Variants in MARCHF11 observed in about 807,000 individuals in gnomAD.
The protein encoded by MARCHF11 is E3 ubiquitin-protein ligase MARCHF11.
Under a neutral mutation model 37.3 loss-of-function variants are expected in MARCHF11, and 29 were observed. That is an observed-to-expected ratio of 0.78 (90% CI 0.58 to 1.06). The LOEUF (loss-of-function observed/expected upper bound fraction) is 1.06, where lower values mean the gene tolerates loss of function less well. MARCHF11 is among the 50% of genes least tolerant of loss of function. The pLI, the probability that MARCHF11 is intolerant of heterozygous loss-of-function variation, is 0.00. For missense variants in MARCHF11, 482 were observed against 533.4 expected (o/e 0.90, Z 0.95); for synonymous variants, 233 against 228.0 (o/e 1.02, Z -0.20).
intron 2 of MARCHF11, among the ~76,000 whole-genome samples, chr5:16,092,078 A>C (rs1379175449): frequency 3.3e-5 from 5 of 152,210 alleles, no homozygotes; most frequent in Non-Finnish European, 7.3e-5. Context: ...TTAAGCAGCC[A>C]GTGTCCATCG....
At chr5:16,152,349 A>G (rs907630147) in intron 2 of MARCHF11, among the ~76,000 whole-genome samples, 1 of 151,994 alleles carries the variant, frequency 6.6e-6, no homozygotes, top group African/African-American at 2.4e-5. Flanking sequence ...TAGTTACAAC[A>G]CATGTTCTAA....
chr5:16,073,894 A>T (rs1483154736), intron 3 of MARCHF11, among the ~76,000 whole-genome samples: 1 of 152,202 alleles, frequency 6.6e-6, no homozygotes, highest in Non-Finnish European at 1.5e-5. Context: ...CCTAGAACAG[A>T]TGGACTTAAT....
intron 2 of MARCHF11, among the ~76,000 whole-genome samples, chr5:16,129,700 G>A (rs1023554153): frequency 4.6e-5 from 7 of 152,166 alleles, no homozygotes; most frequent in Admixed American, 1.3e-4. Context: ...ACTGTAGGAT[G>A]GAATAAGATA....
At chr5:16,097,736 T>A (rs1736895844) in intron 2 of MARCHF11, among the ~76,000 whole-genome samples, 1 of 152,118 alleles carries the variant, frequency 6.6e-6, no homozygotes, top group African/African-American at 2.4e-5. Context: ...CCAGGACCAG[T>A]TTCACCAGAT....
At chr5:16,166,956 G>A (rs3111619) in intron 2 of MARCHF11, among the ~76,000 whole-genome samples, 1 of 142,854 alleles carries the variant, frequency 7.0e-6, no homozygotes, top group African/African-American at 2.7e-5. Context: ...TGTGAGGAAC[G>A]TACAACGATG....
intron 3 of MARCHF11, among the ~76,000 whole-genome samples, chr5:16,071,560 T>A (rs749343786): frequency 3.3e-5 from 5 of 152,226 alleles, no homozygotes; most frequent in Non-Finnish European, 4.4e-5. Context: ...TTCTTTCTAG[T>A]ATTAGGCTAT....
At chr5:16,115,010 T>A (rs543553362) in intron 2 of MARCHF11, among the ~76,000 whole-genome samples, 1 of 152,122 alleles carries the variant, frequency 6.6e-6, no homozygotes, top group Non-Finnish European at 1.5e-5. Flanking sequence ...ACATCGTGTG[T>A]CAGGCTGCTA....
At chr5:16,166,360 C>CAT (rs1412482156) in intron 2 of MARCHF11, among the ~76,000 whole-genome samples, 2 of 151,912 alleles carry the variant, frequency 1.3e-5, no homozygotes, top group Non-Finnish European at 2.9e-5. Context: ...AGCTAGAAAA[C>CAT]ATATATATGT....
At chr5:16,111,444 C>T (rs1357182433) in intron 2 of MARCHF11, among the ~76,000 whole-genome samples, 2 of 152,130 alleles carry the variant, frequency 1.3e-5, no homozygotes, top group African/African-American at 4.8e-5. Flanking sequence ...AGACTGGTAG[C>T]ATTTTCCTGC....
chr5:16,073,892 A>G (rs1180588933), intron 3 of MARCHF11, among the ~76,000 whole-genome samples: 1 of 151,912 alleles, frequency 6.6e-6, no homozygotes, highest in Non-Finnish European at 1.5e-5. Context: ...ACCCTAGAAC[A>G]GATGGACTTA....
chr5:16,072,510 CTGTGTGTGTG>C (rs34699021), intron 3 of MARCHF11, among the ~76,000 whole-genome samples: 3,382 of 146,702 alleles, frequency 0.023, 125 homozygotes, highest in African/African-American at 0.081. Context: ...CTCTCTCACT[CTGTGTGTGTG>C]TGTGTGTGTG....
At chr5:16,173,735 A>G (rs1431485043) in intron 2 of MARCHF11, among the ~76,000 whole-genome samples, 2 of 152,230 alleles carry the variant, frequency 1.3e-5, no homozygotes, top group African/African-American at 4.8e-5. Context: ...TGAGCAAGTG[A>G]AGGTCCCATC....
chr5:16,102,781 T>C (rs1007806060), intron 2 of MARCHF11, among the ~76,000 whole-genome samples: 2 of 152,162 alleles, frequency 1.3e-5, no homozygotes, highest in Admixed American at 1.3e-4. Context: ...CACTGAGCTG[T>C]TTAATGGTTG....
chr5:16,108,311 C>T (rs997758555), intron 2 of MARCHF11, among the ~76,000 whole-genome samples: 3 of 152,184 alleles, frequency 2.0e-5, no homozygotes, highest in South Asian at 2.1e-4. Flanking sequence ...CTCCCCCTCC[C>T]GTAAGGGGTT....
chr5:16,177,942 T>C, intron 1 of MARCHF11, 61 bp from the exon 2 acceptor site: 11 of 1,479,798 alleles, frequency 7.4e-6, no homozygotes, highest in South Asian at 1.4e-5. Flanking sequence ...AAAAACCTAA[T>C]GCTTCCTTTC....
intron 2 of MARCHF11, among the ~76,000 whole-genome samples, chr5:16,132,088 T>G (rs1310226754): frequency 6.6e-6 from 1 of 152,234 alleles, no homozygotes; most frequent in African/African-American, 2.4e-5. Flanking sequence ...ATCTACCAAC[T>G]GTGACTGTGG....
chr5:16,125,619 CTGTGTGTGTGTGTGTG>C (rs34769733), intron 2 of MARCHF11, among the ~76,000 whole-genome samples: 2,739 of 142,334 alleles, frequency 0.019, 80 homozygotes, highest in African/African-American at 0.06. Flanking sequence ...GGCACACTCT[CTGTGTGTGTGTGTGTG>C]TGTGTGTGTG....
At chr5:16,126,494 C>T (rs1295839608) in intron 2 of MARCHF11, among the ~76,000 whole-genome samples, 1 of 152,156 alleles carries the variant, frequency 6.6e-6, no homozygotes, top group African/African-American at 2.4e-5. Context: ...TTCTTAACTG[C>T]AAAGCCCCGA....
At chr5:16,124,946 G>T (rs530435226) in intron 2 of MARCHF11, among the ~76,000 whole-genome samples, 1 of 151,270 alleles carries the variant, frequency 6.6e-6, no homozygotes, top group Non-Finnish European at 1.5e-5. Flanking sequence ...GCATTCTGTC[G>T]ATCTGATTAG....
Sources: gnomAD v4.1 joint callset for allele counts (sites outside exome capture counted in the v4.1 genomes callset) on GRCh38, gnomAD v4.1.1 for gene constraint, MANE v1.5 for transcripts, NCBI Gene and HGNC (gene_info 2026-07-23, HGNC 2026-07-21) for gene names.